The following STX18 variants were observed in gnomAD, a reference collection of about 807,000 sequenced individuals.
The protein encoded by STX18 is syntaxin-18.
STX18 carries 40 observed loss-of-function variants against 50.1 expected under a neutral mutation model. The observed-to-expected ratio is 0.80, with a 90% confidence interval of 0.62 to 1.04. The LOEUF is 1.04. STX18 is among the 50% of genes least tolerant of loss of function. The probability of loss-of-function intolerance (pLI) is 0.00; values close to 1 mark genes in which losing one functional copy is unlikely to be tolerated. For missense variants in STX18, 410 were observed against 415.8 expected (o/e 0.99, Z 0.12); for synonymous variants, 158 against 151.8 (o/e 1.04, Z -0.30).
chr4:4,517,766 T>C (rs1730340775), intron 1 of STX18, among the ~76,000 whole-genome samples: 1 of 151,702 alleles, frequency 6.6e-6, no homozygotes, highest in Non-Finnish European at 1.5e-5. Flanking sequence ...CCTTTATAAG[T>C]GTTTTTTTTT....
intron 1 of STX18, among the ~76,000 whole-genome samples, chr4:4,490,941 G>A (rs559278015): frequency 4.0e-5 from 6 of 151,760 alleles, no homozygotes; most frequent in African/African-American, 1.2e-4. Context: ...ACAAACTTCC[G>A]AAGTTTTCCC....
intron 1 of STX18, among the ~76,000 whole-genome samples, chr4:4,491,117 TAA>T (rs146689302): frequency 4.1e-5 from 6 of 145,586 alleles, no homozygotes; most frequent in African/African-American, 2.5e-5. Context: ...TCTTGTCTCT[TAA>T]AAAAAAAAAA....
At chr4:4,529,222 A>C (rs2108919889) in intron 1 of STX18, among the ~76,000 whole-genome samples, 1 of 152,180 alleles carries the variant, frequency 6.6e-6, no homozygotes, top group South Asian at 2.1e-4. Flanking sequence ...ATTAGCCGGG[A>C]ATGGTGGCTG....
chr4:4,511,670 T>C (rs1243408332), intron 1 of STX18, among the ~76,000 whole-genome samples: 3 of 151,504 alleles, frequency 2.0e-5, no homozygotes, highest in African/African-American at 7.3e-5. Flanking sequence ...ATCTTAAATA[T>C]GGGACTGAAA....
intron 1 of STX18, among the ~76,000 whole-genome samples, chr4:4,472,808 A>G (rs1727987883): frequency 6.6e-6 from 1 of 152,214 alleles, no homozygotes; most frequent in Non-Finnish European, 1.5e-5. Context: ...CTAAATACAA[A>G]ATAGCATTGA....
chr4:4,524,569 G>A (rs1269117847), intron 1 of STX18, among the ~76,000 whole-genome samples: 1 of 152,226 alleles, frequency 6.6e-6, no homozygotes, highest in Non-Finnish European at 1.5e-5. Context: ...AGTGAGGCCT[G>A]CAAGTGCTGC....
At chr4:4,530,953 A>T (rs1230152817) in intron 1 of STX18, among the ~76,000 whole-genome samples, 1 of 152,198 alleles carries the variant, frequency 6.6e-6, no homozygotes, top group African/African-American at 2.4e-5. Context: ...AAAGTATGTC[A>T]ACATTCATCT....
chr4:4,524,635 C>G (rs970869442), intron 1 of STX18, among the ~76,000 whole-genome samples: 8 of 152,262 alleles, frequency 5.3e-5, no homozygotes, highest in African/African-American at 1.7e-4. Flanking sequence ...GGCGCCAACA[C>G]TGTGTGTGCA....
intron 1 of STX18, among the ~76,000 whole-genome samples, chr4:4,537,485 TATA>T (rs1731396988): frequency 6.6e-6 from 1 of 152,162 alleles, no homozygotes; most frequent in Non-Finnish European, 1.5e-5. Context: ...TTCCTCTGGC[TATA>T]ATGACTACTG....
intron 7 of STX18, among the ~76,000 whole-genome samples, chr4:4,428,958 G>A (rs868863783): frequency 2.6e-5 from 4 of 152,198 alleles, no homozygotes; most frequent in African/African-American, 9.7e-5. Context: ...GTTGCCAGCC[G>A]CTGCTCTGGG....
chr4:4,456,510 A>T (rs11730650), intron 5 of STX18, among the ~76,000 whole-genome samples: 1 of 152,112 alleles, frequency 6.6e-6, no homozygotes, highest in Admixed American at 6.5e-5. Context: ...GGCGCCATGG[A>T]AAATACAGGA....
chr4:4,500,936 C>T (rs1447827216), intron 1 of STX18, among the ~76,000 whole-genome samples: 6 of 152,070 alleles, frequency 3.9e-5, no homozygotes, highest in African/African-American at 9.7e-5. Flanking sequence ...ACTCGGGAGG[C>T]TGAAGCAGGA....
At position 4,460,331 on chromosome 4, in the gene STX18, G is replaced by A. The variant is rs532550254; in HGVS notation, c.237-844C>T. Among the ~76,000 whole-genome samples the A allele has an allele frequency of 1.1e-4, 17 of 152,290 alleles. No individual in the cohort carries two copies. In the South Asian group the frequency reaches 3.5e-3, roughly 32 times the overall value. ...AACCAATGAATGAGCCTGAGTTGGAGAATATGCTTGATACACAGCTACGAC... is the reference window on the plus strand; with the variant it reads ...AACCAATGAATGAGCCTGAGTTGGAAAATATGCTTGATACACAGCTACGAC... On this transcript the variant is annotated intron_variant, in intron 2 of 10. Transcript: ENST00000306200.
intron 2 of STX18, 75 bp from the exon 3 acceptor site, chr4:4,459,562 G>A: frequency 9.5e-7 from 1 of 1,052,992 alleles, no homozygotes; most frequent in African/African-American, 1.6e-5. Context: ...GGGAAGAGAA[G>A]AAAAGGCCTC....
At chr4:4,425,143 A>C (rs1327546180) in intron 8 of STX18, 21 bp downstream of exon 8, 3 of 1,605,620 alleles carry the variant, frequency 1.9e-6, no homozygotes, top group Admixed American at 1.7e-5. Flanking sequence ...CTATCAGCTC[A>C]CAGAGGAGCT....
chr4:4,431,855 C>T (rs996411266), intron 7 of STX18, among the ~76,000 whole-genome samples: 2 of 152,188 alleles, frequency 1.3e-5, no homozygotes, highest in Non-Finnish European at 2.9e-5. Flanking sequence ...CGGCTCAAGG[C>T]CCTCCTCATC....
rs761196378 is a variant in STX18 at position 4,434,863 on chromosome 4, TAAA to T, written c.614-8_614-6del. ...GTGTTTCAGCCAAAATTTTTTCTGT[TAAA>T]AAAAAAATTGAAAATAGAAGACCAA... is the stretch of plus-strand genomic sequence containing the variant. On this transcript the variant is annotated splice_polypyrimidine_tract_variant and splice_region_variant and intron_variant, in intron 6 of 10. Transcript: ENST00000306200. The T allele has an allele frequency of 3.3e-6, 5 of 1,507,352 alleles. No individual in the cohort carries two copies. The highest frequency in any genetic ancestry group is 4.5e-6 in the Non-Finnish European group (5 of 1,111,786). The allele number at this position is 1,507,352 out of a possible 1,614,324, so 93.4% of individuals were successfully genotyped here. A position where few individuals can be genotyped will look rare whatever the true frequency, so the allele number is the denominator to read the frequency against.
At chr4:4,455,952 C>T (rs918869020) in intron 5 of STX18, among the ~76,000 whole-genome samples, 2 of 151,982 alleles carry the variant, frequency 1.3e-5, no homozygotes, top group African/African-American at 4.8e-5. Context: ...AATCCTAGAA[C>T]CAGAGAGTAG....
chr4:4,460,454 A>G (rs962678120), intron 2 of STX18, among the ~76,000 whole-genome samples: 3 of 151,900 alleles, frequency 2.0e-5, no homozygotes. Flanking sequence ...AACTTAAGGC[A>G]CAAACAAACA....
Sources: allele counts gnomAD v4.1 joint callset (sites outside exome capture counted in the v4.1 genomes callset), GRCh38; gene constraint gnomAD v4.1.1; transcripts MANE v1.5; gene names NCBI Gene and HGNC (gene_info 2026-07-23, HGNC 2026-07-21).